IRF7: variants seen among roughly 807,000 people sequenced by gnomAD.
IRF7 encodes the protein interferon regulatory factor-7H.
Under a neutral mutation model 51.3 loss-of-function variants are expected in IRF7, and 67 were observed. The observed-to-expected ratio is 1.31, with a 90% CI of 1.07 to 1.60. The LOEUF (loss-of-function observed/expected upper bound fraction) is 1.60, where lower values mean the gene tolerates loss of function less well. Ranked by LOEUF, IRF7 falls within the 40% of genes most tolerant of loss-of-function variation. IRF7 has a pLI of 0.00. For synonymous variants in IRF7, 427 were observed against 301.3 expected (o/e 1.42, Z -4.32); for missense variants, 873 against 701.5 (o/e 1.24, Z -2.76).
chr11:614,640 T>A, intron 4 of IRF7, 106 bp from the exon 5 acceptor site: 1 of 1,417,788 alleles, frequency 7.1e-7, no homozygotes, highest in Non-Finnish European at 9.6e-7. Context: ...CCTTAGGCTG[T>A]GGCCTGAGGA....
rs746394900 is a variant in IRF7 at position 614,980 on chromosome 11, GCCACCTGCCGCGGGCC to G, written c.195_210del (p.Ala66ArgfsTer36). On this transcript the variant is annotated frameshift_variant, in exon 4 of 11. Transcript: ENST00000525445. LOFTEE classifies it high-confidence loss of function. ...GGGCCACCTCCCCTGCTGCTAGGCG[GCCACCTGCCGCGGGCC>G]ACAGCCCAGGCCTGAAGAGGGGGAC... 6.5e-7 allele frequency: 1 copy of G among 1,546,186 alleles called. No individual in the cohort carries two copies. The highest frequency in any genetic ancestry group is 8.7e-7 in the Non-Finnish European group (1 of 1,151,320).
Position 615,357 on chromosome 11 carries a change from A to C in IRF7, c.8T>G (p.Leu3Trp). ...GCCGGGCTCTTACCTCTCAGGAGCCAAGGCCATTGCTCCTTCTGCAGGGGC... is the reference window on the plus strand; with the variant it reads ...GCCGGGCTCTTACCTCTCAGGAGCCCAGGCCATTGCTCCTTCTGCAGGGGC... MA[L>W]APERAAPRVL... Residue 3 changes from leucine to tryptophan, a missense_variant, in exon 2 of 11, where the codon TTG becomes TGG. Coordinates refer to ENST00000525445, the MANE Select transcript of IRF7 (RefSeq NM_001572.5). The C allele has an allele frequency of 2.0e-6, 3 of 1,518,978 alleles. No individual in the cohort carries two copies. Among genetic ancestry groups the C allele is most frequent in the Non-Finnish European group, 2.6e-6 (3 of 1,138,444 alleles). 94.1% of individuals were successfully genotyped at this position (1,518,978 alleles called of 1,614,324 possible).
chr11:613,031 T>C lies in IRF7; in HGVS notation c.1324A>G (p.Arg442Gly). Residue 442 changes from arginine (R) to glycine (G), a missense_variant, in exon 10 of 11, where the codon AGG becomes GGG. Physicochemically the swap from Arg to Gly is moderately radical, Grantham distance 125 (BLOSUM62 -2). Coordinates refer to ENST00000525445, the MANE Select transcript of IRF7 (RefSeq NM_001572.5). Reference protein sequence around the residue: ...LGFGQDLSAGRPKEKSLVLVK... With the variant: ...LGFGQDLSAGGPKEKSLVLVK... ...AGGACCAGGCTCTTCTCCTTGGGCC[T>C]CCCAGCTGACAGGTCCTGCCCGAAG... 1 of 1,613,076 alleles carries C rather than the reference T, an allele frequency of 6.2e-7. No homozygotes were observed. The highest frequency in any genetic ancestry group is 8.5e-7 in the Non-Finnish European group (1 of 1,179,966).
At chr11:615,738 C>T (rs1470335741) in intron 1 of IRF7, 91 bp from the exon 2 acceptor site, 1 of 286,354 alleles carries the variant, frequency 3.5e-6, no homozygotes, top group East Asian at 5.8e-5. Context: ...TCCTCGATCC[C>T]ACCCCGTCCG....
In IRF7 at chr11:613,246, G is replaced by A. The variant is rs1170269409; in HGVS notation, c.1197C>T (p.Asn399=). ...TGAAGTCGAAGATGGGGGTGTCACA[G>A]TTCCGAGGCAGCAGGCAGGCTGGGG... ...PSTPACLLPR[N]CDTPIFDFRV... Residue 399 remains asparagine (N), a synonymous_variant, in exon 9 of 11, where the codon AAC becomes AAT. Transcript: ENST00000525445. 1 of 1,596,596 alleles carries A rather than the reference G, an allele frequency of 6.3e-7. No individual in the cohort carries two copies. Among genetic ancestry groups the A allele is most frequent in the Admixed American group, 1.8e-5 (1 of 56,996 alleles).
At chr11:614,574 AGT>A in intron 4 of IRF7, 40 bp from the exon 5 acceptor site, 2 of 1,547,500 alleles carry the variant, frequency 1.3e-6, no homozygotes, top group South Asian at 1.2e-5. Flanking sequence ...CCGACACCAG[AGT>A]GAGAGATACA....
In IRF7 at chr11:614,351, C is replaced by CT. The variant is rs1451715246; in HGVS notation, c.501dup (p.Ala168SerfsTer11). 1 of 1,609,952 alleles carries CT rather than the reference C, an allele frequency of 6.2e-7. No homozygotes were observed. Among genetic ancestry groups the CT allele is most frequent in the East Asian group, 2.2e-5 (1 of 44,840 alleles). On this transcript the variant is annotated frameshift_variant, in exon 6 of 11. Transcript: ENST00000525445. LOFTEE classifies it high-confidence loss of function. ...GCTGGGGCAGGGAGGGGGCCTGGGG[C>CT]TTGGAGTCCAGCATGTGTGTGTGCC... is the stretch of plus-strand genomic sequence containing the variant.
intron 6 of IRF7, 62 bp from the exon 7 acceptor site, chr11:614,099 C>G: frequency 6.3e-7 from 1 of 1,580,608 alleles, no homozygotes; most frequent in South Asian, 1.1e-5. Flanking sequence ...CCCCAATCCC[C>G]AGCCCCCTTC....
chr11:613,824 AC>A lies in IRF7; in HGVS notation c.807del (p.Tyr270ThrfsTer22). The A allele has an allele frequency of 1.3e-6, 2 of 1,586,784 alleles. No homozygotes were observed. The highest frequency in any genetic ancestry group is 1.7e-6 in the Non-Finnish European group (2 of 1,171,450). On this transcript the variant is annotated frameshift_variant, in exon 8 of 11. Transcript: ENST00000525445. LOFTEE classifies it high-confidence loss of function. ...AAPESPHQAEPYLSPSPSACT... is the reference protein window; with the variant it reads ...AAPESPHQAEXYLSPSPSACT... ...CAGGCGCTTGGGGAGGGTGACAGGT[AC>A]GGCTCTGCCTGGTGCGGGGACTCTG...
rs747550236 is a variant in IRF7, at chr11:613,828, C to G, written c.804G>C (p.Glu268Asp). 4.4e-6 allele frequency: 7 copies of G among 1,592,532 alleles called. No individual in the cohort carries two copies. ...CGCTTGGGGAGGGTGACAGGTACGG[C>G]TCTGCCTGGTGCGGGGACTCTGGGG... is the stretch of plus-strand genomic sequence containing the variant. ...AAAPESPHQAEPYLSPSPSAC... is the reference protein window; with the variant it reads ...AAAPESPHQADPYLSPSPSAC... Residue 268 changes from glutamate (E) to aspartate (D), a missense_variant, in exon 8 of 11, where the codon GAG becomes GAC. Physicochemically the swap from Glu to Asp is conservative, Grantham distance 45. Transcript: ENST00000525445.
rs752325699 is a variant in IRF7, at chr11:614,949, G to T, written c.242C>A (p.Pro81His). 2 of 1,569,022 alleles carry T rather than the reference G, an allele frequency of 1.3e-6. No homozygotes were observed. The highest frequency in any genetic ancestry group is 1.2e-5 in the South Asian group (1 of 85,810). Residue 81 changes from proline (P) to histidine (H), a missense_variant, in exon 4 of 11, where the codon CCC becomes CAC. Pro to His is a moderately conservative substitution (Grantham distance 77, BLOSUM62 -2). Coordinates refer to ENST00000525445, the MANE Select transcript of IRF7 (RefSeq NM_001572.5). The part of the protein sequence containing the change: ...PPSSRGGGPP[P>H]EAETAERAGW... ...GGCGCGCTCCGCAGTCTCAGCCTCGGGGGGCGGGCCACCTCCCCTGCTGCT... is the reference window on the plus strand; with the variant it reads ...GGCGCGCTCCGCAGTCTCAGCCTCGTGGGGCGGGCCACCTCCCCTGCTGCT...
At chr11:614,671 C>T in intron 4 of IRF7, 126 bp downstream of exon 4, 7 of 1,392,464 alleles carry the variant, frequency 5.0e-6, no homozygotes, top group South Asian at 1.3e-5. Flanking sequence ...TGGCTCTCCA[C>T]CTGTCCTGGG....
Position 612,735 on chromosome 11 carries a change from A to G in IRF7, c.1422T>C (p.Asp474=), listed in dbSNP as rs763008327. The change falls in exon 11 of 11, where the codon GAT becomes GAC. Residue 474 remains aspartate (D), a synonymous_variant. Coordinates refer to ENST00000525445, the MANE Select transcript of IRF7 (RefSeq NM_001572.5). ...ACAGGCAGAGGCTGAGGCTGCTGCT[A>G]TCCAGGGAAGACACACCCTCACGCT... is the stretch of plus-strand genomic sequence containing the variant. The part of the protein sequence containing the change: ...GTQREGVSSL[D]SSSLSLCLSS... The G allele has an allele frequency of 5.0e-6, 8 of 1,612,694 alleles. No individual in the cohort carries two copies. The highest frequency in any genetic ancestry group is 2.2e-5 in the East Asian group (1 of 44,894).
At chr11:612,939 T>C in intron 10 of IRF7, 60 bp downstream of exon 10, 3 of 1,591,036 alleles carry the variant, frequency 1.9e-6, no homozygotes, top group Non-Finnish European at 2.6e-6. Context: ...TCTGAGGGCA[T>C]CAGGCGTCTG....
At chr11:613,138 G>A (rs1350536101) in intron 9 of IRF7, 21 bp from the exon 10 acceptor site, 12 of 1,610,606 alleles carry the variant, frequency 7.5e-6, no homozygotes, top group Non-Finnish European at 1.0e-5. Flanking sequence ...GGACTCTGCT[G>A]AGTACCTGGC....
Position 612,781 on chromosome 11 carries a change from C to G in IRF7, c.1376G>C (p.Arg459Pro). 2 of 1,610,940 alleles carry G rather than the reference C, an allele frequency of 1.2e-6. No individual in the cohort carries two copies. The highest frequency in any genetic ancestry group is 8.5e-7 in the Non-Finnish European group (1 of 1,179,946). ...ACGCTGCGTGCCCTCTAGGTGCACT[C>G]GGCACAGCCAGGGTTCCAGCTGCCA... ...VLVKLEPWLC[R>P]VHLEGTQREG... Residue 459 changes from arginine to proline, a missense_variant, in exon 11 of 11, where the codon CGA becomes CCA. Coordinates refer to ENST00000525445, the MANE Select transcript of IRF7 (RefSeq NM_001572.5).
At position 613,268 on chromosome 11, in the gene IRF7, G is replaced by T. The variant is rs1218886774; in HGVS notation, c.1175C>A (p.Pro392Gln). The T allele has an allele frequency of 6.2e-7, 1 of 1,603,886 alleles. No homozygotes were observed. Among genetic ancestry groups the T allele is most frequent in the South Asian group, 1.1e-5 (1 of 90,204 alleles). ...GPPGSASPST[P>Q]ACLLPRNCDT... ...ACAGTTCCGAGGCAGCAGGCAGGCT[G>T]GGGTGGAGGGGCTGGCGGAGCCTGG... The change falls in exon 9 of 11, where the codon CCA becomes CAA. Residue 392 changes from proline to glutamine, a missense_variant. Transcript: ENST00000525445.
intron 4 of IRF7, 45 bp from the exon 5 acceptor site, chr11:614,579 G>C (rs1418129767): frequency 3.9e-6 from 6 of 1,543,628 alleles, no homozygotes; most frequent in African/African-American, 1.4e-5. Context: ...ACCAGAGTGA[G>C]AGATACAAGG....
At position 615,459 on chromosome 11, in the gene IRF7, G is replaced by A. The variant is rs1856789436; in HGVS notation, c.-95C>T. 3 of 1,383,786 alleles carry A rather than the reference G, an allele frequency of 2.2e-6. No individual in the cohort carries two copies. The highest frequency in any genetic ancestry group is 1.5e-5 in the South Asian group (1 of 67,334). 85.7% of individuals were successfully genotyped at this position (1,383,786 alleles called of 1,614,324 possible). A position where few individuals can be genotyped will look rare whatever the true frequency, so the allele number is the denominator to read the frequency against. ...AGCAGACGCCAGGCCGCGGCCACAG[G>A]TCGTGTGGCCAGGTGTCACAGGTGT... On this transcript the variant is annotated 5_prime_UTR_variant, in exon 2 of 11. Coordinates refer to ENST00000525445, the MANE Select transcript of IRF7 (RefSeq NM_001572.5).
Sources: allele counts gnomAD v4.1 joint callset, GRCh38; gene constraint gnomAD v4.1.1; transcripts MANE v1.5; gene names NCBI Gene and HGNC (gene_info 2026-07-23, HGNC 2026-07-21).